Variants in CTDSPL2 observed in about 807,000 individuals in gnomAD.
CTDSPL2 encodes the protein CTD small phosphatase like 2.
A neutral mutation model predicts 60.0 loss-of-function variants in CTDSPL2; 5 were observed. The ratio of observed to expected loss-of-function variants is 0.08; its 90% confidence interval spans 0.04 to 0.18. CTDSPL2 has a LOEUF of 0.18. Ranked by LOEUF, CTDSPL2 falls within the 10% of genes least tolerant of loss-of-function variation. CTDSPL2 has a pLI of 1.00. For missense variants in CTDSPL2, 370 were observed against 548.8 expected (o/e 0.67, Z 3.26); for synonymous variants, 186 against 189.3 (o/e 0.98, Z 0.14).
chr15:44,468,060 C>T (rs942614431), intron 2 of CTDSPL2, among the ~76,000 whole-genome samples: 1 of 152,072 alleles, frequency 6.6e-6, no homozygotes, highest in Admixed American at 6.6e-5. Flanking sequence ...AAGCTGGTGC[C>T]ATAAAACAAG....
intron 1 of CTDSPL2, among the ~76,000 whole-genome samples, chr15:44,428,988 G>T (rs1294516269): frequency 6.6e-6 from 1 of 151,966 alleles, no homozygotes; most frequent in African/African-American, 2.4e-5. Flanking sequence ...GATCTTTGTA[G>T]GTTTTTTTGT....
chr15:44,434,472 C>T (rs1487081538), intron 1 of CTDSPL2, among the ~76,000 whole-genome samples: 1 of 152,230 alleles, frequency 6.6e-6, no homozygotes, highest in Admixed American at 6.5e-5. Context: ...CAGTTTACTG[C>T]AGCCTTCACC....
Position 44,527,850 on chromosome 15 carries a change from T to A in CTDSPL2, c.*3676T>A, listed in dbSNP as rs2081898549. 1 of 152,222 alleles carries A rather than the reference T, an allele frequency of 6.6e-6. No homozygotes were observed. 9.4% of individuals were successfully genotyped at this position (152,222 alleles called of 1,614,324 possible). A position where few individuals can be genotyped will look rare whatever the true frequency, so the allele number is the denominator to read the frequency against. On this transcript the variant is annotated 3_prime_UTR_variant, in exon 13 of 13. Coordinates refer to ENST00000260327, the MANE Select transcript of CTDSPL2 (RefSeq NM_016396.3). The stretch of plus-strand genomic sequence containing the variant: ...TTCATTGACTTTCTTATTCCTCTCA[T>A]GAGCTATAATTGAGTATAGTATTTT...
intron 7 of CTDSPL2, 104 bp from the exon 8 acceptor site, chr15:44,499,623 A>G (rs995924885): frequency 2.7e-5 from 18 of 658,184 alleles, no homozygotes; most frequent in South Asian, 7.8e-5. Flanking sequence ...GTAAAATTCA[A>G]CATATGAATG....
chr15:44,464,400 C>T (rs1363465461), intron 2 of CTDSPL2, among the ~76,000 whole-genome samples: 1 of 152,192 alleles, frequency 6.6e-6, no homozygotes, highest in African/African-American at 2.4e-5. Context: ...AGCCTACACT[C>T]CTAACCACTG....
chr15:44,511,008 T>C (rs1213939398), intron 8 of CTDSPL2, among the ~76,000 whole-genome samples: 1 of 152,206 alleles, frequency 6.6e-6, no homozygotes, highest in African/African-American at 2.4e-5. Context: ...TTCTGAGATT[T>C]TCCTTTGCAT....
rs554813574 is a variant in CTDSPL2, at chr15:44,456,955, C to T, written c.-24-2036C>T. Among the ~76,000 whole-genome samples the T allele has an allele frequency of 2.0e-5, 3 of 150,254 alleles. No individual in the cohort carries two copies. The East Asian group carries it at 5.9e-4, about 29-fold the overall frequency. ...GCAGTGGCGCGGTATTGGCTTACTG[C>T]AGCCTCAACCTCCTGGGCTTCAGTG... On this transcript the variant is annotated intron_variant, in intron 1 of 12. Transcript: ENST00000260327.
chr15:44,514,284 C>A (rs2063960494), intron 8 of CTDSPL2, among the ~76,000 whole-genome samples: 1 of 152,130 alleles, frequency 6.6e-6, no homozygotes, highest in East Asian at 1.9e-4. Context: ...ACTGGTGGAT[C>A]AAAATCTCAG....
At chr15:44,504,585 C>CT (rs1231236393) in intron 8 of CTDSPL2, among the ~76,000 whole-genome samples, 2 of 151,972 alleles carry the variant, frequency 1.3e-5, no homozygotes, top group African/African-American at 4.8e-5. Flanking sequence ...CTAAAAAAAA[C>CT]TTTTGAGGCC....
chr15:44,489,746 A>G (rs1182557594), intron 4 of CTDSPL2, among the ~76,000 whole-genome samples: 1 of 152,240 alleles, frequency 6.6e-6, no homozygotes, highest in Admixed American at 6.5e-5. Context: ...ACTAGTAGCT[A>G]TGTATTAAAC....
intron 2 of CTDSPL2, among the ~76,000 whole-genome samples, chr15:44,477,937 A>G (rs947994955): frequency 6.6e-6 from 1 of 152,096 alleles, no homozygotes; most frequent in Middle Eastern, 3.4e-3. Context: ...ATCTGGTACT[A>G]TTTATCTGAT....
intron 8 of CTDSPL2, 103 bp from the exon 9 acceptor site, chr15:44,514,495 G>A (rs912203981): frequency 4.1e-6 from 3 of 737,322 alleles, no homozygotes; most frequent in Non-Finnish European, 7.2e-6. Flanking sequence ...TTTAAAACAT[G>A]AACTTTTTCA....
chr15:44,504,105 T>C (rs1223510041), intron 8 of CTDSPL2, among the ~76,000 whole-genome samples: 4 of 152,056 alleles, frequency 2.6e-5, no homozygotes, highest in Non-Finnish European at 5.9e-5. Flanking sequence ...CCCAGCACTT[T>C]GGGAGGCGGA....
Position 44,514,745 on chromosome 15 carries a change from C to T in CTDSPL2, c.1033-20C>T. On this transcript the variant is annotated intron_variant, in intron 9 of 12. Transcript: ENST00000260327. ...TTTAGACCATGTATAATGATTACTTCTTTTCCCCTGAATTTATAGATCATT... is the reference window on the plus strand; with the variant it reads ...TTTAGACCATGTATAATGATTACTTTTTTTCCCCTGAATTTATAGATCATT... 2.5e-6 allele frequency: 4 copies of T among 1,576,114 alleles called. No individual in the cohort carries two copies. Among genetic ancestry groups the T allele is most frequent in the Non-Finnish European group, 3.5e-6 (4 of 1,147,650 alleles).
At chr15:44,462,700 CTTTTT>C (rs554319789) in intron 2 of CTDSPL2, among the ~76,000 whole-genome samples, 8 of 83,742 alleles carry the variant, frequency 9.6e-5, no homozygotes, top group African/African-American at 4.1e-4. Flanking sequence ...ACACTCAGGA[CTTTTT>C]TTTTTTTTTT....
chr15:44,514,745 C>A lies in CTDSPL2; in HGVS notation c.1033-20C>A. 6.3e-7 allele frequency: 1 copy of A among 1,576,114 alleles called. No homozygotes were observed. Among genetic ancestry groups the A allele is most frequent in the Non-Finnish European group, 8.7e-7 (1 of 1,147,650 alleles). On this transcript the variant is annotated intron_variant, in intron 9 of 12. Transcript: ENST00000260327. Reference sequence around the variant, plus strand: ...TTTAGACCATGTATAATGATTACTTCTTTTCCCCTGAATTTATAGATCATT... The same window carrying A: ...TTTAGACCATGTATAATGATTACTTATTTTCCCCTGAATTTATAGATCATT...
In CTDSPL2 at chr15:44,461,160, G is replaced by A. The variant is rs2080559239; in HGVS notation, c.186+1960G>A. Among the ~76,000 whole-genome samples, 4 of 152,094 alleles carry A rather than the reference G, an allele frequency of 2.6e-5. No homozygotes were observed. The South Asian group carries it at 8.3e-4, about 32-fold the overall frequency. ...TGTTATTCATGAAAGATAAAAACCA[G>A]AAGTGAAGATAGGTTTTTGTTATGT... On this transcript the variant is annotated intron_variant, in intron 2 of 12. Transcript: ENST00000260327.
chr15:44,486,900 A>T (rs891364410), intron 4 of CTDSPL2, among the ~76,000 whole-genome samples, 200 bp downstream of exon 4: 1 of 151,418 alleles, frequency 6.6e-6, no homozygotes, highest in African/African-American at 2.4e-5. Flanking sequence ...AGTAGGTGGG[A>T]CTGTAGGTAC....
At chr15:44,460,528 T>C (rs1342682935) in intron 2 of CTDSPL2, among the ~76,000 whole-genome samples, 1 of 152,184 alleles carries the variant, frequency 6.6e-6, no homozygotes, top group African/African-American at 2.4e-5. Flanking sequence ...AAATTTTTCA[T>C]TATAATGGAA....
Sources: allele counts gnomAD v4.1 joint callset (sites outside exome capture counted in the v4.1 genomes callset), GRCh38; gene constraint gnomAD v4.1.1; transcripts MANE v1.5; gene names NCBI Gene and HGNC (gene_info 2026-07-23, HGNC 2026-07-21).